Variants in FRMPD4 observed in about 807,000 individuals in gnomAD.
The protein encoded by FRMPD4 is FERM and PDZ domain containing 4.
Under a neutral mutation model 94.1 loss-of-function variants are expected in FRMPD4, and 22 were observed. That is an observed-to-expected ratio of 0.23 (90% CI 0.17 to 0.33). The LOEUF (loss-of-function observed/expected upper bound fraction) is 0.33. FRMPD4 is among the 10% of genes least tolerant of loss of function. The probability of loss-of-function intolerance (pLI) is 1.00; values close to 1 mark genes in which losing one functional copy is unlikely to be tolerated. For missense variants in FRMPD4, 1,111 were observed against 1,339.9 expected, an observed-to-expected ratio of 0.83 and a Z score of 2.67; for synonymous variants, 631 against 548.6, an observed-to-expected ratio of 1.15 and a Z score of -2.10.
chrX:12,045,478 C>T (rs949295912), intron 3 of FRMPD4, among the ~76,000 whole-genome samples: 1 of 111,003 alleles, frequency 9.0e-6, no homozygotes, highest in African/African-American at 3.3e-5. Flanking sequence ...ATTATTCACT[C>T]ATTCCTTGGC....
intron 5 of FRMPD4, among the ~76,000 whole-genome samples, chrX:12,678,271 C>T (rs971327652): frequency 2.0e-4 from 22 of 112,265 alleles, no homozygotes; most frequent in African/African-American, 6.1e-4. Flanking sequence ...TAAATAATTC[C>T]GAAAAGAAAA....
chrX:11,882,462 C>T (rs2147314416), intron 3 of FRMPD4, among the ~76,000 whole-genome samples: 2 of 111,272 alleles, frequency 1.8e-5, no homozygotes, highest in African/African-American at 3.3e-5. Context: ...TTGAGCATCC[C>T]TAATTCGAAA....
At chrX:12,164,680 C>T (rs774543578) in intron 1 of FRMPD4, among the ~76,000 whole-genome samples, 1 of 112,253 alleles carries the variant, frequency 8.9e-6, no homozygotes, top group East Asian at 2.8e-4. Flanking sequence ...TAAAAGTGTT[C>T]CTATTTCTCC....
chrX:11,887,697 T>C, intron 3 of FRMPD4, among the ~76,000 whole-genome samples: 1 of 112,327 alleles, frequency 8.9e-6, no homozygotes, highest in East Asian at 2.8e-4. Context: ...ACCCAGCCGA[T>C]CTATGTGCTG....
intron 1 of FRMPD4, among the ~76,000 whole-genome samples, chrX:12,407,422 A>G (rs756058713): frequency 6.3e-5 from 7 of 111,698 alleles, no homozygotes; most frequent in Admixed American, 5.7e-4. Flanking sequence ...CACCATCTAC[A>G]AGCTGTGTGG....
At chrX:11,962,608 G>A (rs1313684608) in intron 3 of FRMPD4, among the ~76,000 whole-genome samples, 1 of 112,073 alleles carries the variant, frequency 8.9e-6, no homozygotes. Flanking sequence ...CAGTGATGAA[G>A]CATTACTGAG....
At chrX:11,960,725 G>A (rs1245059303) in intron 3 of FRMPD4, among the ~76,000 whole-genome samples, 1 of 111,795 alleles carries the variant, frequency 8.9e-6, no homozygotes, top group Non-Finnish European at 1.9e-5. Context: ...ACATTTGTCA[G>A]TATATTGAAT....
chrX:12,378,256 GTTC>G (rs1229066953), intron 1 of FRMPD4, among the ~76,000 whole-genome samples: 15 of 112,593 alleles, frequency 1.3e-4, no homozygotes, highest in African/African-American at 4.2e-4. Context: ...TTTAGTCGTT[GTTC>G]TTCTTCTTGT....
intron 3 of FRMPD4, among the ~76,000 whole-genome samples, chrX:11,996,583 T>A (rs2054497371): frequency 8.9e-6 from 1 of 112,589 alleles, no homozygotes; most frequent in Non-Finnish European, 1.9e-5. Context: ...TAATGCTTCC[T>A]TTGTGAAATC....
chrX:12,412,977 TAA>T (rs201136609), intron 1 of FRMPD4, among the ~76,000 whole-genome samples: 31 of 102,777 alleles, frequency 3.0e-4, no homozygotes, highest in African/African-American at 8.9e-4. Context: ...ATAGTCATAG[TAA>T]AAAAAAAAAA....
chrX:12,258,822 T>C (rs780544766), intron 1 of FRMPD4, among the ~76,000 whole-genome samples: 1 of 111,500 alleles, frequency 9.0e-6, no homozygotes, highest in Non-Finnish European at 1.9e-5. Context: ...CAGGGAACAT[T>C]CCAATTCTTC....
chrX:12,249,407 G>C (rs11798691), intron 1 of FRMPD4, among the ~76,000 whole-genome samples: 15,498 of 110,795 alleles, frequency 0.14, 834 homozygotes, highest in South Asian at 0.28. Context: ...CATAGACAGA[G>C]TGGGAAGAGT....
chrX:11,976,643 T>C (rs1452396494), intron 3 of FRMPD4, among the ~76,000 whole-genome samples: 1 of 112,756 alleles, frequency 8.9e-6, no homozygotes, highest in Non-Finnish European at 1.9e-5. Flanking sequence ...TTAGATCAGT[T>C]GATCAATTAT....
chrX:11,886,297 A>G (rs2053844741), intron 3 of FRMPD4, among the ~76,000 whole-genome samples: 1 of 112,050 alleles, frequency 8.9e-6, no homozygotes, highest in African/African-American at 3.2e-5. Flanking sequence ...TTCTGTCTCA[A>G]TAAAGTGGAT....
rs2054624268 is a variant in FRMPD4, at chrX:12,019,981, G to A, written c.95+141963G>A. On this transcript the variant is annotated intron_variant, in intron 3 of 18. Coordinates refer to the FRMPD4 transcript ENST00000640291. ...TTTGCAGCCTTGTTTTATGTATATA[G>A]AAACTGAGGTTCAGAGAAAATAAGT... 3.6e-5 allele frequency among the ~76,000 whole-genome samples: 4 copies of A among 112,014 alleles called. No individual in the cohort carries two copies. The South Asian group carries it at 1.5e-3, about 42-fold the overall frequency.
intron 3 of FRMPD4, among the ~76,000 whole-genome samples, chrX:11,978,088 C>T (rs1156366086): frequency 9.2e-6 from 1 of 108,654 alleles, no homozygotes; most frequent in East Asian, 2.9e-4. Context: ...TTTGGTAGGC[C>T]GAGGTGGGCG....
rs2042232040 is a variant in FRMPD4 at position 12,721,160 on chromosome X, C to T, written c.4591C>T (p.Leu1531Phe). ...RGEATVQVSC[L>F]YRPQMTQAMP... ...AGAGGCCACCGTCCAGGTCTCTTGCCTCTATAGACCACAGATGACTCAAGC... is the reference window on the plus strand; with the variant it reads ...AGAGGCCACCGTCCAGGTCTCTTGCTTCTATAGACCACAGATGACTCAAGC... The change falls in exon 17 of 17, where the codon CTC becomes TTC. Residue 1531 changes from leucine (L) to phenylalanine (F), a missense_variant. Leu to Phe is a conservative substitution (Grantham distance 22). This residue lies in a region of FRMPD4 where 551 missense variants were observed against 591.6 expected (regional missense o/e 0.93). Transcript: ENST00000675598. The T allele has an allele frequency of 1.3e-6, 1 of 752,438 alleles. No homozygotes were observed. Among genetic ancestry groups the T allele is most frequent in the Admixed American group, 8.8e-5 (1 of 11,342 alleles). The allele number at this position is 752,438 out of a possible 1,213,427, so 62.0% of individuals were successfully genotyped here.
chrX:12,707,198 A>G (rs993981694), intron 12 of FRMPD4, among the ~76,000 whole-genome samples: 2 of 111,429 alleles, frequency 1.8e-5, no homozygotes, highest in Non-Finnish European at 3.8e-5. Context: ...AAAAAAGGAA[A>G]ACCAAAAAGA....
chrX:12,534,377 C>A (rs759274107), intron 2 of FRMPD4, among the ~76,000 whole-genome samples: 7 of 112,438 alleles, frequency 6.2e-5, no homozygotes, highest in East Asian at 2.8e-4. Context: ...GGAGCCCCCC[C>A]ACAGAGTCCC....
Sources: allele counts gnomAD v4.1 joint callset (sites outside exome capture counted in the v4.1 genomes callset), GRCh38; gene constraint gnomAD v4.1.1; regional missense constraint gnomAD v4.1.1; transcripts MANE v1.5; gene names NCBI Gene and HGNC (gene_info 2026-07-23, HGNC 2026-07-21).